RNF150: variants seen among roughly 807,000 people sequenced by gnomAD.
The protein encoded by RNF150 is ring finger protein 150.
In RNF150, 24 loss-of-function variants were observed where a neutral mutation model predicts 39.3. The observed-to-expected ratio is 0.61, with a 90% CI of 0.44 to 0.86. The LOEUF (loss-of-function observed/expected upper bound fraction) is 0.86. Ranked by LOEUF, RNF150 falls within the 40% of genes least tolerant of loss-of-function variation. RNF150 has a pLI of 0.00. For synonymous variants in RNF150, 255 were observed against 227.3 expected (o/e 1.12, Z -1.10); for missense variants, 502 against 587.8 (o/e 0.85, Z 1.51).
At chr4:141,075,285 G>C (rs1737853343) in intron 1 of RNF150, among the ~76,000 whole-genome samples, 1 of 152,208 alleles carries the variant, frequency 6.6e-6, no homozygotes, top group South Asian at 2.1e-4. Flanking sequence ...AATGGGTGTG[G>C]CTGTGTTCCA....
At chr4:141,140,367 A>G (rs769951915) in intron 1 of RNF150, among the ~76,000 whole-genome samples, 9 of 152,132 alleles carry the variant, frequency 5.9e-5, no homozygotes, top group Non-Finnish European at 8.8e-5. Context: ...TCCTTTTATC[A>G]TAAACTCTTC....
At chr4:140,940,756 A>T (rs551919375) in intron 4 of RNF150, among the ~76,000 whole-genome samples, 7 of 152,198 alleles carry the variant, frequency 4.6e-5, no homozygotes, top group African/African-American at 7.2e-5. Flanking sequence ...AAAGTTCAGG[A>T]ATAACCTACC....
chr4:141,049,306 G>C (rs1736692683), intron 1 of RNF150, among the ~76,000 whole-genome samples: 1 of 150,040 alleles, frequency 6.7e-6, no homozygotes, highest in South Asian at 2.1e-4. Context: ...GTAGAATCCA[G>C]AGATAAAAAA....
At chr4:140,922,799 C>A (rs1731214059) in intron 5 of RNF150, among the ~76,000 whole-genome samples, 1 of 151,360 alleles carries the variant, frequency 6.6e-6, no homozygotes, top group African/African-American at 2.5e-5. Context: ...AGAACAGAGC[C>A]CTCAGAAATA....
chr4:140,889,345 C>T (rs1159673601), intron 6 of RNF150, among the ~76,000 whole-genome samples: 3 of 152,140 alleles, frequency 2.0e-5, no homozygotes, highest in Non-Finnish European at 2.9e-5. Context: ...GTGATTTTTC[C>T]TGAATCCTTA....
intron 1 of RNF150, among the ~76,000 whole-genome samples, chr4:140,983,704 G>A (rs182483047): frequency 1.3e-5 from 2 of 151,302 alleles, no homozygotes; most frequent in African/African-American, 4.8e-5. Context: ...TTTTCCTTTG[G>A]AGATGGTGAA....
rs566748371 is a variant in RNF150, at chr4:140,932,568, G to C, written c.891-6495C>G. Reference sequence around the variant, plus strand: ...CCTCAAGCTGTCACAGGTAAGGGGGGTAGTTGGAGGTATTCAAACCTTTAT... The same window carrying C: ...CCTCAAGCTGTCACAGGTAAGGGGGCTAGTTGGAGGTATTCAAACCTTTAT... On this transcript the variant is annotated intron_variant, in intron 4 of 6. Transcript: ENST00000515673. Among the ~76,000 whole-genome samples, 7 of 152,312 alleles carry C rather than the reference G, an allele frequency of 4.6e-5. No individual in the cohort carries two copies. The South Asian group carries it at 1.5e-3, about 32-fold the overall frequency.
At chr4:140,947,187 A>G (rs905960270) in intron 4 of RNF150, among the ~76,000 whole-genome samples, 1 of 152,124 alleles carries the variant, frequency 6.6e-6, no homozygotes, top group African/African-American at 2.4e-5. Context: ...AAAAAAAATG[A>G]AAGGGCATGG....
intron 1 of RNF150, among the ~76,000 whole-genome samples, chr4:141,044,191 A>C (rs538872176): frequency 6.6e-6 from 1 of 152,340 alleles, no homozygotes; most frequent in South Asian, 2.1e-4. Context: ...ACGGGAAGGC[A>C]TGCACATACA....
At position 140,895,345 on chromosome 4, in the gene RNF150, A is replaced by T. The variant is rs1729902744; in HGVS notation, c.1198+15799T>A. Among the ~76,000 whole-genome samples the T allele has an allele frequency of 2.0e-5, 3 of 152,204 alleles. No individual in the cohort carries two copies. The South Asian group carries it at 6.2e-4, about 32-fold the overall frequency. The stretch of plus-strand genomic sequence containing the variant: ...CACTGAGACAGCCCTGGAAGTAGAA[A>T]ATGGGCATATTATAAGCATAGCTAT... On this transcript the variant is annotated intron_variant, in intron 6 of 6. Transcript: ENST00000515673.
At chr4:141,069,615 G>A (rs1231510128) in intron 1 of RNF150, among the ~76,000 whole-genome samples, 1 of 150,620 alleles carries the variant, frequency 6.6e-6, no homozygotes, top group Admixed American at 6.6e-5. Context: ...CTATTGATTG[G>A]AATAGTTTCA....
chr4:140,911,293 G>A lies in RNF150; in HGVS notation c.1049C>T (p.Pro350Leu). 6.2e-7 allele frequency: 1 copy of A among 1,614,132 alleles called. No homozygotes were observed. The highest frequency in any genetic ancestry group is 8.5e-7 in the Non-Finnish European group (1 of 1,180,020). The change falls in exon 6 of 7, where the codon CCC becomes CTC. Residue 350 changes from proline to leucine, a missense_variant. Coordinates refer to ENST00000515673, the MANE Select transcript of RNF150 (RefSeq NM_020724.2). The stretch of plus-strand genomic sequence containing the variant: ...GCTGGCACCTGTGATCTGGTTGGTG[G>A]GTGGACCTCCCAGAGAGCCCTCGAA... ...TDFEGSLGGP[P>L]TNQITGASDT...
chr4:140,983,882 G>C (rs1733939566), intron 1 of RNF150, among the ~76,000 whole-genome samples: 1 of 151,832 alleles, frequency 6.6e-6, no homozygotes, highest in South Asian at 2.1e-4. Context: ...TGGGACTACA[G>C]GCACGTGCCA....
intron 1 of RNF150, among the ~76,000 whole-genome samples, chr4:140,977,427 C>T (rs1034929118): frequency 6.6e-6 from 1 of 152,064 alleles, no homozygotes; most frequent in Non-Finnish European, 1.5e-5. Flanking sequence ...ACTTTCAATC[C>T]ATGAGACGAA....
chr4:140,896,713 C>T (rs55638559), intron 6 of RNF150, among the ~76,000 whole-genome samples: 10,095 of 55,768 alleles, frequency 0.18, 855 homozygotes, highest in East Asian at 0.52. Flanking sequence ...AAAAAACAAA[C>T]AAACAAACAA....
chr4:141,081,389 G>T (rs1320327611), intron 1 of RNF150, among the ~76,000 whole-genome samples: 1 of 152,126 alleles, frequency 6.6e-6, no homozygotes, highest in Non-Finnish European at 1.5e-5. Context: ...GAGGCAAAAA[G>T]AAACTCATAC....
intron 5 of RNF150, among the ~76,000 whole-genome samples, chr4:140,917,526 C>G (rs980882574): frequency 2.0e-5 from 3 of 152,032 alleles, no homozygotes; most frequent in Non-Finnish European, 4.4e-5. Flanking sequence ...ACAGGAGCAC[C>G]CAGATTCATA....
At chr4:141,123,499 C>T (rs181746419) in intron 1 of RNF150, among the ~76,000 whole-genome samples, 4 of 152,370 alleles carry the variant, frequency 2.6e-5, no homozygotes, top group African/African-American at 9.6e-5. Context: ...TATAGAACCT[C>T]ATTGTGCAAC....
intron 1 of RNF150, among the ~76,000 whole-genome samples, chr4:141,210,069 A>C (rs527813251): frequency 1.6e-4 from 25 of 152,310 alleles, no homozygotes; most frequent in African/African-American, 5.8e-4. Context: ...TAATTATAAA[A>C]GCCAAAATTA....
Sources: allele counts gnomAD v4.1 joint callset (sites outside exome capture counted in the v4.1 genomes callset), GRCh38; gene constraint gnomAD v4.1.1; transcripts MANE v1.5; gene names NCBI Gene and HGNC (gene_info 2026-07-23, HGNC 2026-07-21).